The following FAT3 variants were observed in gnomAD, a reference collection of about 807,000 sequenced individuals.
The protein encoded by FAT3 is protocadherin Fat 3.
A neutral mutation model predicts 310.2 loss-of-function variants in FAT3; 95 were observed. That is an observed-to-expected ratio of 0.31 (90% CI 0.26 to 0.36). The LOEUF (loss-of-function observed/expected upper bound fraction) is 0.36. FAT3 is among the 10% of genes least tolerant of loss of function. The pLI, the probability that FAT3 is intolerant of heterozygous loss-of-function variation, is 1.00. For synonymous variants in FAT3, 2,314 were observed against 2,192.9 expected (o/e 1.06, Z -1.54); for missense variants, 5,408 against 5,715.6 (o/e 0.95, Z 1.74).
rs1460557972 is a variant in FAT3 at position 92,583,492 on chromosome 11, C to A, written c.3607+58544C>A. 3.3e-5 allele frequency among the ~76,000 whole-genome samples: 5 copies of A among 152,132 alleles called. No homozygotes were observed. The East Asian group carries it at 7.8e-4, about 24-fold the overall frequency. ...CCTAAGATAACATTCCTGACATAAT[C>A]TGTCTCCAGGAACCTTAGCAAAACC... is the stretch of plus-strand genomic sequence containing the variant. On this transcript the variant is annotated intron_variant, in intron 3 of 27. Transcript: ENST00000525166.
At chr11:92,418,543 G>T (rs1166273131) in intron 2 of FAT3, among the ~76,000 whole-genome samples, 1 of 150,026 alleles carries the variant, frequency 6.7e-6, no homozygotes, top group East Asian at 2.0e-4. Context: ...TGACCCTGCT[G>T]CATGCCAAGT....
At chr11:92,574,952 A>G (rs935699047) in intron 3 of FAT3, among the ~76,000 whole-genome samples, 2 of 152,124 alleles carry the variant, frequency 1.3e-5, no homozygotes, top group African/African-American at 4.8e-5. Context: ...ATTATTAAGG[A>G]ATAGGAATTA....
intron 19 of FAT3, among the ~76,000 whole-genome samples, chr11:92,852,042 A>G (rs888152787): frequency 7.2e-5 from 11 of 152,152 alleles, no homozygotes; most frequent in Admixed American, 1.3e-4. Context: ...CTATTTAGAT[A>G]AAGATTGTAG....
rs376464345 is a variant in FAT3 at position 92,740,327 on chromosome 11, G to A, written c.3670-21529G>A. Among the ~76,000 whole-genome samples the A allele has an allele frequency of 1.2e-4, 18 of 152,316 alleles. No individual in the cohort carries two copies. The East Asian group carries it at 3.1e-3, about 26-fold the overall frequency. Reference sequence around the variant, plus strand: ...ATTTTTAATTGACTCCAGAGGCAGTGTGACTCTCCTTTATCTTTCATTATT... The same window carrying A: ...ATTTTTAATTGACTCCAGAGGCAGTATGACTCTCCTTTATCTTTCATTATT... On this transcript the variant is annotated intron_variant, in intron 4 of 27. Coordinates refer to ENST00000525166, the MANE Select transcript of FAT3 (RefSeq NM_001367949.2).
At chr11:92,748,033 G>A (rs1174219808) in intron 4 of FAT3, among the ~76,000 whole-genome samples, 4 of 152,166 alleles carry the variant, frequency 2.6e-5, no homozygotes, top group Admixed American at 6.5e-5. Flanking sequence ...CCTTACAGCA[G>A]CATCCCACTA....
chr11:92,280,204 TTGACTCTC>T (rs1321913425), intron 1 of FAT3, among the ~76,000 whole-genome samples: 1 of 152,166 alleles, frequency 6.6e-6, no homozygotes, highest in Non-Finnish European at 1.5e-5. Flanking sequence ...CTGAGGTACT[TTGACTCTC>T]TGACTAGCTT....
intron 3 of FAT3, among the ~76,000 whole-genome samples, chr11:92,640,484 A>G (rs998251164): frequency 2.7e-4 from 41 of 152,204 alleles, no homozygotes; most frequent in African/African-American, 9.7e-4. Context: ...TACTGCCATT[A>G]TGACTATTAT....
At chr11:92,760,032 T>C (rs1385748740) in intron 4 of FAT3, among the ~76,000 whole-genome samples, 1 of 152,036 alleles carries the variant, frequency 6.6e-6, no homozygotes, top group African/African-American at 2.4e-5. Flanking sequence ...CACCTGGGAG[T>C]GTAACATTTG....
chr11:92,803,020 C>T (rs867356221), intron 10 of FAT3, among the ~76,000 whole-genome samples: 1 of 75,610 alleles, frequency 1.3e-5, no homozygotes, highest in Non-Finnish European at 3.1e-5. Context: ...TATGATCTAT[C>T]TGAGACCTCT....
intron 5 of FAT3, among the ~76,000 whole-genome samples, chr11:92,763,431 T>C (rs1024724376): frequency 6.6e-6 from 1 of 152,048 alleles, no homozygotes; most frequent in Non-Finnish European, 1.5e-5. Flanking sequence ...AGTTTGGGAA[T>C]CTGAGGACTG....
intron 1 of FAT3, among the ~76,000 whole-genome samples, chr11:92,342,398 G>A (rs1029121150): frequency 5.3e-5 from 8 of 152,080 alleles, no homozygotes; most frequent in Non-Finnish European, 7.4e-5. Flanking sequence ...TTCTGCTTTC[G>A]TATCTTCCGA....
At chr11:92,489,873 G>A (rs1485907493) in intron 2 of FAT3, among the ~76,000 whole-genome samples, 2 of 149,856 alleles carry the variant, frequency 1.3e-5, no homozygotes, top group African/African-American at 5.0e-5. Flanking sequence ...AGTTTTCGTA[G>A]TTTTTTTCTT....
chr11:92,760,440 T>A (rs1181997333), intron 4 of FAT3, among the ~76,000 whole-genome samples: 2 of 152,244 alleles, frequency 1.3e-5, no homozygotes, highest in Non-Finnish European at 2.9e-5. Flanking sequence ...CTCCTATTGA[T>A]GTTGAGCGCA....
intron 13 of FAT3, among the ~76,000 whole-genome samples, chr11:92,810,479 T>C (rs912127138): frequency 6.6e-6 from 1 of 152,220 alleles, no homozygotes; most frequent in African/African-American, 2.4e-5. Flanking sequence ...TCCATGTCTA[T>C]GAAGAACTCG....
At chr11:92,255,951 G>A (rs963648348) in intron 1 of FAT3, among the ~76,000 whole-genome samples, 6 of 152,120 alleles carry the variant, frequency 3.9e-5, no homozygotes, top group Admixed American at 6.6e-5. Context: ...AAATGTGGAG[G>A]TGACATCTAC....
intron 13 of FAT3, 76 bp downstream of exon 13, chr11:92,810,152 T>A (rs970656356): frequency 1.5e-6 from 2 of 1,333,746 alleles, no homozygotes; most frequent in Admixed American, 2.0e-5. Flanking sequence ...TTTAGTTTTA[T>A]AAGAACCTTA....
intron 3 of FAT3, among the ~76,000 whole-genome samples, chr11:92,624,530 T>TGGCA (rs1941235524): frequency 6.6e-6 from 1 of 152,180 alleles, no homozygotes; most frequent in Non-Finnish European, 1.5e-5. Flanking sequence ...ATGTGAGAAT[T>TGGCA]GGCAGGTGGC....
chr11:92,504,049 C>G (rs1166024224), intron 2 of FAT3, among the ~76,000 whole-genome samples: 1 of 152,130 alleles, frequency 6.6e-6, no homozygotes, highest in Non-Finnish European at 1.5e-5. Context: ...CCCTAAGTGA[C>G]TTGAACATTT....
intron 1 of FAT3, among the ~76,000 whole-genome samples, chr11:92,317,551 C>G (rs1377812000): frequency 6.6e-6 from 1 of 152,172 alleles, no homozygotes; most frequent in Non-Finnish European, 1.5e-5. Context: ...TGCTGAATAT[C>G]AAGTTCTCTT....
Sources: gnomAD v4.1 joint callset for allele counts (sites outside exome capture counted in the v4.1 genomes callset) on GRCh38, gnomAD v4.1.1 for gene constraint, MANE v1.5 for transcripts, NCBI Gene and HGNC (gene_info 2026-07-23, HGNC 2026-07-21) for gene names.